The following APOLD1 variants were observed in gnomAD, a reference collection of about 807,000 sequenced individuals.
APOLD1 encodes apolipoprotein L domain-containing protein 1.
In APOLD1, 22 loss-of-function variants were observed where a neutral mutation model predicts 15.3. That is an observed-to-expected ratio of 1.44 (90% CI 1.03 to 2.05). The LOEUF is 2.05. Ranked by LOEUF, APOLD1 falls within the 30% of genes most tolerant of loss-of-function variation. APOLD1 has a pLI of 0.00. For synonymous variants in APOLD1, 190 were observed against 167.4 expected, an observed-to-expected ratio of 1.13 and a Z score of -1.04; for missense variants, 394 against 353.5, an observed-to-expected ratio of 1.11 and a Z score of -0.92.
chr12:12,738,110 A>C (rs1324755939), intron 1 of APOLD1, among the ~76,000 whole-genome samples: 1 of 151,760 alleles, frequency 6.6e-6, no homozygotes, highest in African/African-American at 2.4e-5. Flanking sequence ...GCATGTGTTC[A>C]CTATTTTATT....
chr12:12,727,623 AAGAT>A (rs1236662467), intron 1 of APOLD1, among the ~76,000 whole-genome samples: 5 of 152,042 alleles, frequency 3.3e-5, no homozygotes, highest in Admixed American at 3.3e-4. Context: ...TTTTTTTTAA[AAGAT>A]AGAGTCTCCC....
rs58759446 is a variant in APOLD1 at position 12,735,775 on chromosome 12, C to CAATAAATAAATAAATAAATA, written c.96+9685_96+9704dup. ...TGGACAATGTGAGGCCTCATTTCTA[C>CAATAAATAAATAAATAAATA]AATAAATAAATAAATAAATAAATAA... is the stretch of plus-strand genomic sequence containing the variant. On this transcript the variant is annotated intron_variant, in intron 1 of 1. Transcript: ENST00000326765. Among the ~76,000 whole-genome samples, 304 of 150,556 alleles carry CAATAAATAAATAAATAAATA rather than the reference C, an allele frequency of 2.0e-3. 1 individual carries two copies. Among genetic ancestry groups the CAATAAATAAATAAATAAATA allele is most frequent in the African/African-American group, 7.0e-3 (288 of 40,970 alleles).
At chr12:12,758,090 G>A (rs1392758503) in intron 1 of APOLD1, among the ~76,000 whole-genome samples, 1 of 134,760 alleles carries the variant, frequency 7.4e-6, no homozygotes, top group African/African-American at 3.1e-5. Context: ...CGTGATGCCT[G>A]GCTTTTTTTC....
upstream of APOLD1, chr12:12,785,633 A>G: frequency 6.2e-7 from 1 of 1,614,168 alleles, no homozygotes; most frequent in South Asian, 1.1e-5. Context: ...TGGAACTATA[A>G]AGCACACTCA....
At chr12:12,726,379 G>T (rs1008225528) in intron 1 of APOLD1, 5 of 509,564 alleles carry the variant, frequency 9.8e-6, no homozygotes, top group African/African-American at 7.8e-5. Flanking sequence ...TCTGGGTACG[G>T]AAATTCTTTT....
chr12:12,757,712 C>T (rs1946866821), intron 1 of APOLD1, among the ~76,000 whole-genome samples: 2 of 151,692 alleles, frequency 1.3e-5, no homozygotes, highest in Non-Finnish European at 2.9e-5. Context: ...ATTCACGTAA[C>T]ATACAATTCA....
At chr12:12,785,065 C>A (rs777911940), upstream of APOLD1, among the ~76,000 whole-genome samples, 16 of 152,196 alleles carry the variant, frequency 1.1e-4, no homozygotes, top group Non-Finnish European at 2.1e-4. Context: ...CCGCCAATGT[C>A]TTCTCCACAG....
intron 1 of APOLD1, among the ~76,000 whole-genome samples, chr12:12,727,390 A>G (rs1307591522): frequency 6.6e-6 from 1 of 152,192 alleles, no homozygotes; most frequent in Non-Finnish European, 1.5e-5. Context: ...TGGAGTTACT[A>G]GACAATTTAC....
intron 1 of APOLD1, among the ~76,000 whole-genome samples, chr12:12,750,836 G>A (rs1023372428): frequency 6.6e-6 from 1 of 151,980 alleles, no homozygotes; most frequent in Non-Finnish European, 1.5e-5. Context: ...GTGCAATGGC[G>A]TGATCACAGT....
chr12:12,787,011 C>G lies in APOLD1; in HGVS notation c.106C>G (p.Leu36Val). 7.2e-7 allele frequency: 1 copy of G among 1,393,592 alleles called. No homozygotes were observed. Among genetic ancestry groups the G allele is most frequent in the Non-Finnish European group, 9.2e-7 (1 of 1,085,726 alleles). The allele number at this position is 1,393,592 out of a possible 1,614,324, so 86.3% of individuals were successfully genotyped here. ...DRRGRLHGQV[L>V]RLREVARRLE... is the part of the protein sequence containing the mutation. ...CCGAGGCCGGCTGCACGGCCAGGTG[C>G]TGCGCCTGCGCGAGGTGGCCCGGCG... Residue 36 changes from leucine (L) to valine (V), a missense_variant, in exon 2 of 2, where the codon CTG (leucine) becomes GTG (valine). Physicochemically the swap from Leu to Val is conservative, Grantham distance 32. Coordinates refer to ENST00000356591, the MANE Select transcript of APOLD1 (RefSeq NM_030817.3). The surrounding 1 kb of genome is among the most constrained non-coding windows in gnomAD (Gnocchi z 4.9).
chr12:12,756,598 C>T (rs1396686080), intron 1 of APOLD1, among the ~76,000 whole-genome samples: 1 of 152,096 alleles, frequency 6.6e-6, no homozygotes, highest in African/African-American at 2.4e-5. Context: ...GTGCAACCAT[C>T]ACCACTATCC....
intron 1 of APOLD1, among the ~76,000 whole-genome samples, chr12:12,728,548 G>T (rs1946611718): frequency 6.6e-6 from 1 of 151,364 alleles, no homozygotes; most frequent in African/African-American, 2.4e-5. Context: ...GCTGCCTGTA[G>T]TCCCAGCTAC....
At chr12:12,744,162 A>T (rs1252259150) in intron 1 of APOLD1, among the ~76,000 whole-genome samples, 1 of 152,026 alleles carries the variant, frequency 6.6e-6, no homozygotes, top group Non-Finnish European at 1.5e-5. Context: ...CTAATAAAAA[A>T]TTAGCAAGGA....
In APOLD1 at chr12:12,787,000, A is replaced by T. The variant is rs772822411; in HGVS notation, c.95A>T (p.His32Leu). The part of the protein sequence containing the change: ...GLLLDRRGRL[H>L]GQVLRLREVA... ...CTGCTGGACCGCCGAGGCCGGCTGCACGGCCAGGTGCTGCGCCTGCGCGAG... is the reference window on the plus strand; with the variant it reads ...CTGCTGGACCGCCGAGGCCGGCTGCTCGGCCAGGTGCTGCGCCTGCGCGAG... The change falls in exon 2 of 2, where the codon CAC (histidine) becomes CTC (leucine). Residue 32 changes from histidine (H) to leucine (L), a missense_variant. His to Leu is a moderately conservative substitution (Grantham distance 99). Coordinates refer to ENST00000356591, the MANE Select transcript of APOLD1 (RefSeq NM_030817.3). 5.3e-5 allele frequency: 75 copies of T among 1,416,976 alleles called. No individual in the cohort carries two copies. Among genetic ancestry groups the T allele is most frequent in the Non-Finnish European group, 6.7e-5 (73 of 1,096,956 alleles). The allele number at this position is 1,416,976 out of a possible 1,614,324, so 87.8% of individuals were successfully genotyped here. A position where few individuals can be genotyped will look rare whatever the true frequency, so the allele number is the denominator to read the frequency against.
chr12:12,757,314 G>A (rs1279705831), intron 1 of APOLD1, among the ~76,000 whole-genome samples: 3 of 152,082 alleles, frequency 2.0e-5, no homozygotes, highest in Non-Finnish European at 2.9e-5. Flanking sequence ...ACCTGCCTCT[G>A]GGGGTATCGG....
intron 1 of APOLD1, among the ~76,000 whole-genome samples, chr12:12,746,527 A>ATAAATACG (rs1946768243): frequency 6.6e-6 from 1 of 152,122 alleles, no homozygotes. Flanking sequence ...ACATAAATAC[A>ATAAATACG]TACATACATA....
At chr12:12,728,314 T>G (rs553772317) in intron 1 of APOLD1, among the ~76,000 whole-genome samples, 2 of 152,080 alleles carry the variant, frequency 1.3e-5, no homozygotes, top group African/African-American at 4.8e-5. Context: ...GGGAATATAG[T>G]ATAGATATGT....
Position 12,787,268 on chromosome 12 carries a change from G to A in APOLD1, c.363G>A (p.Gln121=). 6.3e-7 allele frequency: 1 copy of A among 1,597,190 alleles called. No homozygotes were observed. The highest frequency in any genetic ancestry group is 8.5e-7 in the Non-Finnish European group (1 of 1,173,384). ...FCNSRELRRV[Q]EIAATCQDQM... ...ACTCCCGGGAGCTGCGGAGGGTGCA[G>A]GAGATCGCGGCCACCTGCCAGGACC... Residue 121 remains glutamine (Q), a synonymous_variant, in exon 2 of 2, where the codon CAG becomes CAA. Coordinates refer to ENST00000356591, the MANE Select transcript of APOLD1 (RefSeq NM_030817.3). This position sits in a 1 kb window ranked among gnomAD's most constrained non-coding sequence, Gnocchi z 4.9.
intron 1 of APOLD1, among the ~76,000 whole-genome samples, chr12:12,733,018 C>T (rs983173450): frequency 1.1e-4 from 17 of 151,894 alleles, no homozygotes; most frequent in Non-Finnish European, 2.2e-4. Context: ...TATGTATTAA[C>T]AGTTATATAT....
Sources: gnomAD v4.1 joint callset for allele counts (sites outside exome capture counted in the v4.1 genomes callset) on GRCh38, gnomAD v4.1.1 for gene constraint, Gnocchi (gnomAD v3.1) non-coding constraint, MANE v1.5 for transcripts, NCBI Gene and HGNC (gene_info 2026-07-23, HGNC 2026-07-21) for gene names.